TMEM65: variants seen among roughly 807,000 people sequenced by gnomAD.
TMEM65 encodes the protein transmembrane protein 65.
A neutral mutation model predicts 25.4 loss-of-function variants in TMEM65; 22 were observed. The ratio of observed to expected loss-of-function variants is 0.86; its 90% confidence interval spans 0.62 to 1.23. The LOEUF (loss-of-function observed/expected upper bound fraction) is 1.23. Among genes scored for constraint, TMEM65 ranks in the 50% most tolerant of loss-of-function variants. TMEM65 has a pLI of 0.00. For synonymous variants in TMEM65, 132 were observed against 126.2 expected (o/e 1.05, Z -0.31); for missense variants, 262 against 308.2 (o/e 0.85, Z 1.12).
intron 4 of TMEM65, among the ~76,000 whole-genome samples, chr8:124,322,982 G>A (rs1477879309): frequency 2.0e-5 from 3 of 151,070 alleles, no homozygotes; most frequent in Non-Finnish European, 4.4e-5. Flanking sequence ...GTGACAGAGT[G>A]AGACCCCGTC....
intron 3 of TMEM65, among the ~76,000 whole-genome samples, chr8:124,324,291 C>T (rs925458466): frequency 6.6e-6 from 1 of 152,058 alleles, no homozygotes; most frequent in Non-Finnish European, 1.5e-5. Flanking sequence ...ATTTACAAAA[C>T]TGAAAAGAGG....
chr8:124,330,918 CT>C, intron 1 of TMEM65, 126 bp from the exon 2 acceptor site: 1 of 922,710 alleles, frequency 1.1e-6, no homozygotes, highest in Non-Finnish European at 1.6e-6. Context: ...CATAAATTAT[CT>C]TTAGGTTAAG....
chr8:124,345,535 T>C (rs904451309), intron 1 of TMEM65, among the ~76,000 whole-genome samples: 7 of 152,218 alleles, frequency 4.6e-5, no homozygotes, highest in Admixed American at 1.3e-4. Flanking sequence ...TTACAAAACA[T>C]GTTTACAACA....
chr8:124,324,272 T>C (rs1814340895), intron 3 of TMEM65, among the ~76,000 whole-genome samples: 1 of 152,106 alleles, frequency 6.6e-6, no homozygotes, highest in Non-Finnish European at 1.5e-5. Flanking sequence ...AATGCATTAC[T>C]CATCAATTAT....
intron 1 of TMEM65, among the ~76,000 whole-genome samples, chr8:124,349,507 C>T (rs900999216): frequency 2.6e-5 from 4 of 152,152 alleles, no homozygotes; most frequent in Admixed American, 2.0e-4. Context: ...ACCCTATAGC[C>T]TGAGGCTAAT....
chr8:124,364,925 T>A (rs1261410591), intron 1 of TMEM65, among the ~76,000 whole-genome samples: 1 of 152,312 alleles, frequency 6.6e-6, no homozygotes, highest in Non-Finnish European at 1.5e-5. Flanking sequence ...AGTTATTTTA[T>A]ACCCAGACAC....
intron 4 of TMEM65, 135 bp downstream of exon 4, chr8:124,323,186 A>G: frequency 3.8e-6 from 2 of 530,170 alleles, no homozygotes; most frequent in African/African-American, 2.0e-5. Context: ...AAGAATCAGA[A>G]GAATAGGATG....
chr8:124,347,524 A>C (rs962111670), intron 1 of TMEM65, among the ~76,000 whole-genome samples: 1 of 152,212 alleles, frequency 6.6e-6, no homozygotes, highest in Non-Finnish European at 1.5e-5. Context: ...AAAAGCCCAG[A>C]CCTCATCACT....
At chr8:124,329,437 C>A (rs1377849149) in intron 2 of TMEM65, among the ~76,000 whole-genome samples, 4 of 151,832 alleles carry the variant, frequency 2.6e-5, no homozygotes, top group Admixed American at 6.6e-5. Flanking sequence ...TTTTGGGATT[C>A]TTTTAATAGC....
chr8:124,337,655 T>C (rs1047396769), intron 1 of TMEM65, among the ~76,000 whole-genome samples: 4 of 152,048 alleles, frequency 2.6e-5, no homozygotes, highest in African/African-American at 9.6e-5. Flanking sequence ...ATAAGACAGT[T>C]ACTATAAACT....
At chr8:124,336,786 AAACT>A (rs1216623859) in intron 1 of TMEM65, among the ~76,000 whole-genome samples, 1 of 151,868 alleles carries the variant, frequency 6.6e-6, no homozygotes, top group Non-Finnish European at 1.5e-5. Flanking sequence ...AAGTAAACAT[AAACT>A]AAGTAGTAGA....
intron 1 of TMEM65, among the ~76,000 whole-genome samples, chr8:124,344,114 T>TA (rs1814615885): frequency 6.6e-6 from 1 of 152,228 alleles, no homozygotes; most frequent in Non-Finnish European, 1.5e-5. Context: ...ACCTCCAAGA[T>TA]ACATTTTTAT....
chr8:124,321,951 T>C (rs909960037), intron 5 of TMEM65, among the ~76,000 whole-genome samples, 154 bp downstream of exon 5: 8 of 152,186 alleles, frequency 5.3e-5, no homozygotes, highest in African/African-American at 9.6e-5. Flanking sequence ...AAAGATTTAG[T>C]ACTATTAGTT....
At chr8:124,358,956 T>C (rs1287717684) in intron 1 of TMEM65, among the ~76,000 whole-genome samples, 1 of 152,160 alleles carries the variant, frequency 6.6e-6, no homozygotes, top group Non-Finnish European at 1.5e-5. Context: ...TGAACTGAAT[T>C]TGGAAGTTGT....
rs1814138973 is a variant in TMEM65 at position 124,310,176 on chromosome 8, T to C, written c.*3784A>G. 1 of 152,332 alleles carries C rather than the reference T, an allele frequency of 6.6e-6. No homozygotes were observed. The highest frequency in any genetic ancestry group is 1.5e-5 in the Non-Finnish European group (1 of 68,188). 9.4% of individuals were successfully genotyped at this position (152,332 alleles called of 1,614,324 possible). The stretch of plus-strand genomic sequence containing the variant: ...ATCTCAAAAAAAAGTATATTTGCTT[T>C]TCTGTGTTCTCTTCCCCTATTACTA... On this transcript the variant is annotated 3_prime_UTR_variant, in exon 7 of 7. Transcript: ENST00000297632.
intron 1 of TMEM65, among the ~76,000 whole-genome samples, chr8:124,368,707 G>T (rs1290148559): frequency 6.6e-6 from 1 of 152,304 alleles, no homozygotes; most frequent in South Asian, 2.1e-4. Flanking sequence ...CCATGTGAGT[G>T]AGACTTCTTG....
At chr8:124,368,972 CT>C (rs1814976893) in intron 1 of TMEM65, among the ~76,000 whole-genome samples, 1 of 152,064 alleles carries the variant, frequency 6.6e-6, no homozygotes, top group Non-Finnish European at 1.5e-5. Context: ...ATTTTAAAAG[CT>C]TTAAAAAATA....
At chr8:124,331,788 T>A (rs905916117) in intron 1 of TMEM65, among the ~76,000 whole-genome samples, 3 of 151,982 alleles carry the variant, frequency 2.0e-5, no homozygotes, top group African/African-American at 7.2e-5. Context: ...AAGAAACGCA[T>A]TACAAACTAG....
At chr8:124,366,514 G>A (rs541805385) in intron 1 of TMEM65, among the ~76,000 whole-genome samples, 1 of 152,108 alleles carries the variant, frequency 6.6e-6, no homozygotes, top group South Asian at 2.1e-4. Context: ...ATCCAGCTGA[G>A]CCCTGCCTAT....
Sources: gnomAD v4.1 joint callset for allele counts (sites outside exome capture counted in the v4.1 genomes callset) on GRCh38, gnomAD v4.1.1 for gene constraint, MANE v1.5 for transcripts, NCBI Gene and HGNC (gene_info 2026-07-23, HGNC 2026-07-21) for gene names.